The following NOX4 variants were observed in gnomAD, a reference collection of about 807,000 sequenced individuals.
NOX4 encodes the protein kidney oxidase-1.
In NOX4, 69 loss-of-function variants were observed where a neutral mutation model predicts 87.6. That is an observed-to-expected ratio of 0.79 (90% CI 0.65 to 0.96). The LOEUF is 0.96. Among genes scored for constraint, NOX4 ranks in the 40% least tolerant of loss-of-function variants. NOX4 has a pLI of 0.00. For missense variants in NOX4, 680 were observed against 681.5 expected (o/e 1.00, Z 0.02); for synonymous variants, 275 against 238.2 (o/e 1.15, Z -1.42).
chr11:89,365,769 A>C (rs1009371736), intron 12 of NOX4, among the ~76,000 whole-genome samples: 10 of 151,470 alleles, frequency 6.6e-5, no homozygotes, highest in Admixed American at 3.3e-4. Context: ...AAAAAAAAAA[A>C]AAAAAAACAG....
chr11:89,526,233 G>A, the NOX4 span, among the ~76,000 whole-genome samples: 1 of 152,074 alleles, frequency 6.6e-6, no homozygotes, highest in Non-Finnish European at 1.5e-5. Context: ...AAAACATACT[G>A]CATTTAAACT....
intron 13 of NOX4, among the ~76,000 whole-genome samples, chr11:89,351,767 A>T (rs1316210136): frequency 2.0e-5 from 3 of 152,150 alleles, no homozygotes; most frequent in Non-Finnish European, 4.4e-5. Flanking sequence ...CCAGAGAAAA[A>T]AAAAGAAGAT....
At chr11:89,529,724 A>C in the NOX4 span, among the ~76,000 whole-genome samples, 12 of 152,252 alleles carry the variant, frequency 7.9e-5, no homozygotes, top group African/African-American at 2.7e-4. Context: ...CAAATTCTTA[A>C]GTTCTGTCTC....
Position 89,342,080 on chromosome 11 carries a change from G to A in NOX4, c.1331C>T (p.Thr444Ile), listed in dbSNP as rs1470647209. The A allele has an allele frequency of 1.2e-6, 2 of 1,611,672 alleles. No individual in the cohort carries two copies. The highest frequency in any genetic ancestry group is 1.7e-6 in the Non-Finnish European group (2 of 1,178,372). Residue 444 changes from threonine to isoleucine, a missense_variant, in exon 14 of 18, where the codon ACC becomes ATC. Thr to Ile is a moderately conservative substitution (Grantham distance 89). Transcript: ENST00000263317. ...ATAGATCAAAATGACATACAACAGGGTGTTGAGTATTGATGCAAATGGAGT... is the reference window on the plus strand; with the variant it reads ...ATAGATCAAAATGACATACAACAGGATGTTGAGTATTGATGCAAATGGAGT... ...GVTPFASILN[T>I]LLDDWKPYKL...
chr11:89,509,576 T>G, the NOX4 span, among the ~76,000 whole-genome samples: 1 of 152,022 alleles, frequency 6.6e-6, no homozygotes, highest in African/African-American at 2.4e-5. Flanking sequence ...GATAAATACA[T>G]AAAGATTTAG....
intron 11 of NOX4, among the ~76,000 whole-genome samples, chr11:89,399,436 T>TATATATAA (rs1432501358): frequency 0.014 from 1,091 of 77,076 alleles, 25 homozygotes; most frequent in African/African-American, 0.047. Context: ...AAATTAAATA[T>TATATATAA]ATATATATAT....
At chr11:89,351,436 G>A (rs1414055203) in intron 13 of NOX4, among the ~76,000 whole-genome samples, 2 of 152,152 alleles carry the variant, frequency 1.3e-5, no homozygotes, top group African/African-American at 4.8e-5. Flanking sequence ...ATAGATGAAG[G>A]TGACTACACT....
upstream of NOX4, among the ~76,000 whole-genome samples, chr11:89,500,437 C>T (rs998734201): frequency 3.3e-5 from 5 of 152,104 alleles, no homozygotes; most frequent in African/African-American, 1.2e-4. Flanking sequence ...AGCACATAGC[C>T]TGCAAGTTCT....
the NOX4 span, among the ~76,000 whole-genome samples, chr11:89,566,592 A>G: frequency 5.3e-5 from 8 of 152,208 alleles, no homozygotes; most frequent in African/African-American, 1.9e-4. Context: ...AAAAATACAC[A>G]TGCAAAAAAG....
At chr11:89,527,661 G>T in the NOX4 span, among the ~76,000 whole-genome samples, 1 of 152,168 alleles carries the variant, frequency 6.6e-6, no homozygotes, top group Non-Finnish European at 1.5e-5. Flanking sequence ...GCTTACATTT[G>T]GTTTTGGGCC....
Position 89,326,880 on chromosome 11 carries a change from G to C in NOX4, c.1617-4C>G, listed in dbSNP as rs2135354037. 1 of 1,612,510 alleles carries C rather than the reference G, an allele frequency of 6.2e-7. No individual in the cohort carries two copies. Among genetic ancestry groups the C allele is most frequent in the African/African-American group, 1.3e-5 (1 of 74,970 alleles). On this transcript the variant is annotated splice_polypyrimidine_tract_variant and splice_region_variant and intron_variant, in intron 17 of 17. Transcript: ENST00000263317. ...ACAGAAAACACCAACTGTTTTTCTAGAACAAGAGCAGAGAAAATGGAAAAT... is the reference window on the plus strand; with the variant it reads ...ACAGAAAACACCAACTGTTTTTCTACAACAAGAGCAGAGAAAATGGAAAAT...
intron 2 of NOX4, among the ~76,000 whole-genome samples, chr11:89,487,973 A>G (rs1166619085): frequency 6.6e-6 from 1 of 152,166 alleles, no homozygotes; most frequent in Non-Finnish European, 1.5e-5. Context: ...AAAAGGTAAT[A>G]TACAGACTGA....
intron 11 of NOX4, among the ~76,000 whole-genome samples, chr11:89,383,920 C>T (rs1418912359): frequency 5.9e-5 from 9 of 152,166 alleles, no homozygotes; most frequent in African/African-American, 2.2e-4. Flanking sequence ...ATCATGCACC[C>T]CTTACCATCC....
intron 8 of NOX4, among the ~76,000 whole-genome samples, chr11:89,411,082 A>C (rs1192534005): frequency 6.6e-6 from 1 of 152,182 alleles, no homozygotes; most frequent in African/African-American, 2.4e-5. Context: ...CCCTGATTCC[A>C]GGCACTAACT....
At chr11:89,576,381 C>T in the NOX4 span, among the ~76,000 whole-genome samples, 1 of 152,224 alleles carries the variant, frequency 6.6e-6, no homozygotes, top group African/African-American at 2.4e-5. Context: ...ACCTAGAATC[C>T]TTCCAATAAA....
At chr11:89,471,268 A>C (rs57714680) in intron 2 of NOX4, among the ~76,000 whole-genome samples, 4,575 of 152,238 alleles carry the variant, frequency 0.03, 231 homozygotes, top group African/African-American at 0.1. Context: ...AGGCAAGTGG[A>C]AAAGCCCAAA....
At chr11:89,583,657 G>A in the NOX4 span, among the ~76,000 whole-genome samples, 1 of 152,100 alleles carries the variant, frequency 6.6e-6, no homozygotes, top group South Asian at 2.1e-4. Context: ...CCTTAATTAA[G>A]ACTTTCCCAC....
chr11:89,389,774 C>T (rs1371600207), intron 11 of NOX4, among the ~76,000 whole-genome samples: 3 of 152,090 alleles, frequency 2.0e-5, no homozygotes, highest in African/African-American at 7.2e-5. Flanking sequence ...CAGTGCAGAA[C>T]AGTTAATAAC....
At chr11:89,556,871 A>C in the NOX4 span, 8 of 152,214 alleles carry the variant, frequency 5.3e-5, no homozygotes, top group South Asian at 1.7e-3. Context: ...CACCATTATG[A>C]GATGGGGTGG....
Sources: allele counts gnomAD v4.1 joint callset (sites outside exome capture counted in the v4.1 genomes callset), GRCh38; gene constraint gnomAD v4.1.1; transcripts MANE v1.5; gene names NCBI Gene and HGNC (gene_info 2026-07-23, HGNC 2026-07-21).